Variants in ALPK2 observed in about 807,000 individuals in gnomAD.
The protein encoded by ALPK2 is alpha-protein kinase 2.
A neutral mutation model predicts 163.1 loss-of-function variants in ALPK2; 127 were observed. The ratio of observed to expected loss-of-function variants is 0.78; its 90% CI spans 0.67 to 0.90. The LOEUF is 0.90. Among genes scored for constraint, ALPK2 ranks in the 40% least tolerant of loss-of-function variants. The pLI is 0.00. For missense variants in ALPK2, 2,360 were observed against 2,589.6 expected, an observed-to-expected ratio of 0.91 and a Z score of 1.92; for synonymous variants, 953 against 959.1, an observed-to-expected ratio of 0.99 and a Z score of 0.12.
chr18:58,544,496 T>C lies in ALPK2; in HGVS notation c.1963-6272A>G, dbSNP rs568808364. The C allele has an allele frequency of 2.6e-5, 4 of 152,298 alleles. No homozygotes were observed. In the South Asian group the frequency reaches 8.3e-4, roughly 32 times the overall value. The allele number at this position is 152,298 out of a possible 1,614,324, so 9.4% of individuals were successfully genotyped here. On this transcript the variant is annotated intron_variant, in intron 4 of 12. Coordinates refer to ENST00000361673, the MANE Select transcript of ALPK2 (RefSeq NM_052947.4). ...ATGAGATAAGATCCCTCTCCTCAAA[T>C]AGCTTATAATCCAGTTGAAGAGACA...
chr18:58,582,849 T>C (rs1321704058), intron 3 of ALPK2, among the ~76,000 whole-genome samples: 1 of 152,128 alleles, frequency 6.6e-6, no homozygotes, highest in African/African-American at 2.4e-5. Flanking sequence ...TTCTGATTGG[T>C]AATTGGTCAG....
chr18:58,591,486 T>C (rs1416013794), intron 3 of ALPK2, among the ~76,000 whole-genome samples: 1 of 152,186 alleles, frequency 6.6e-6, no homozygotes, highest in Non-Finnish European at 1.5e-5. Context: ...GGACAGTGTG[T>C]GCCAGGCACC....
intron 10 of ALPK2, chr18:58,512,127 G>C (rs1024851890): frequency 9.9e-5 from 15 of 152,186 alleles, no homozygotes; most frequent in African/African-American, 2.9e-4. Context: ...CAGGATCCAG[G>C]GCACCCTGAT....
At chr18:58,564,836 TA>T (rs1438700056) in intron 4 of ALPK2, among the ~76,000 whole-genome samples, 7 of 152,210 alleles carry the variant, frequency 4.6e-5, no homozygotes, top group Non-Finnish European at 8.8e-5. Context: ...CTTCCTTTTT[TA>T]AAAAAAATTT....
intron 4 of ALPK2, among the ~76,000 whole-genome samples, chr18:58,553,613 C>T (rs983391804): frequency 6.6e-6 from 1 of 152,146 alleles, no homozygotes; most frequent in South Asian, 2.1e-4. Flanking sequence ...TTCTCCCAAG[C>T]TGTTCTCATG....
Position 58,536,034 on chromosome 18 carries a change from G to A in ALPK2, c.4153C>T (p.His1385Tyr), listed in dbSNP as rs1387713738. 8.1e-6 allele frequency: 13 copies of A among 1,614,176 alleles called. No homozygotes were observed. The highest frequency in any genetic ancestry group is 1.3e-5 in the African/African-American group (1 of 75,046). Residue 1385 changes from histidine to tyrosine, a missense_variant, in exon 5 of 13, where the codon CAC becomes TAC. By Grantham distance (83) the His-to-Tyr change is moderately conservative. Transcript: ENST00000361673. ...DQEEKQLKMD[H>Y]TAFFKKFLTC... is the part of the protein sequence containing the mutation. ...AGAAACTTTTTAAAGAAGGCAGTGTGATCCATCTTGAGTTGTTTTTCCTCC... is the reference window on the plus strand; with the variant it reads ...AGAAACTTTTTAAAGAAGGCAGTGTAATCCATCTTGAGTTGTTTTTCCTCC...
At chr18:58,564,726 C>T (rs6566980) in intron 4 of ALPK2, among the ~76,000 whole-genome samples, 57,036 of 151,812 alleles carry the variant, frequency 0.38, 10,841 homozygotes, top group Admixed American at 0.42. Context: ...CTTCAGTTTA[C>T]ACTGAGGAAA....
Position 58,535,857 on chromosome 18 carries a change from C to T in ALPK2, c.4330G>A (p.Glu1444Lys), listed in dbSNP as rs370248466. The T allele has an allele frequency of 2.2e-5, 35 of 1,614,100 alleles. No individual in the cohort carries two copies. The highest frequency in any genetic ancestry group is 1.3e-4 in the South Asian group (12 of 91,090). Residue 1444 changes from glutamate to lysine, a missense_variant, in exon 5 of 13, where the codon GAA becomes AAA. Glu to Lys is a moderately conservative substitution (Grantham distance 56, BLOSUM62 1). Transcript: ENST00000361673. Reference protein sequence around the residue: ...GQSNDGNMGHEAEIQPAILQV... With the variant: ...GQSNDGNMGHKAEIQPAILQV... ...AAAATGGCCGGCTGGATTTCCGCTT[C>T]GTGGCCCATGTTTCCGTCATTTGAT...
intron 4 of ALPK2, chr18:58,544,799 T>C (rs1208781749): frequency 6.6e-6 from 1 of 152,232 alleles, no homozygotes; most frequent in Non-Finnish European, 1.5e-5. Context: ...ATGTGGTAGA[T>C]ACTGTTGGCT....
At chr18:58,612,567 C>T (rs923291489) in intron 1 of ALPK2, among the ~76,000 whole-genome samples, 2 of 152,220 alleles carry the variant, frequency 1.3e-5, no homozygotes, top group African/African-American at 2.4e-5. Context: ...ACAACTTGCT[C>T]AAGATCACAC....
chr18:58,568,472 A>C (rs1216018871), intron 4 of ALPK2, among the ~76,000 whole-genome samples: 1 of 152,158 alleles, frequency 6.6e-6, no homozygotes, highest in Admixed American at 6.5e-5. Context: ...TCTCAACCAC[A>C]GCTGTGCCTC....
At chr18:58,520,182 C>CTCTGGGAG (rs1293956954) in intron 8 of ALPK2, among the ~76,000 whole-genome samples, 1 of 152,014 alleles carries the variant, frequency 6.6e-6, no homozygotes, top group African/African-American at 2.4e-5. Context: ...AATCCCAGAT[C>CTCTGGGAG]TCTGGGAGGC....
chr18:58,578,771 C>CACACACACACAT (rs1555673966), intron 4 of ALPK2, 43 bp downstream of exon 4: 13 of 1,562,010 alleles, frequency 8.3e-6, no homozygotes, highest in African/African-American at 6.8e-5. Context: ...CACACACACA[C>CACACACACACAT]GGTTCTTTTT....
At position 58,579,752 on chromosome 18, in the gene ALPK2, C is replaced by A. The variant is rs757750746; in HGVS notation, c.1024G>T (p.Ala342Ser). Residue 342 changes from alanine to serine, a missense_variant, in exon 4 of 13, where the codon GCA becomes TCA. By Grantham distance (99) the Ala-to-Ser change is moderately conservative. Transcript: ENST00000361673. Reference sequence around the variant, plus strand: ...CCCAGCAGGTTCCTTTGCCAAACTGCATTAGAGTAATCCGTCATAACATCA... The same window carrying A: ...CCCAGCAGGTTCCTTTGCCAAACTGAATTAGAGTAATCCGTCATAACATCA... ...CSDVMTDYSN[A>S]VWQRNLLGTE... is the part of the protein sequence containing the mutation. 1.2e-6 allele frequency: 2 copies of A among 1,614,210 alleles called. No homozygotes were observed. The highest frequency in any genetic ancestry group is 2.2e-5 in the South Asian group (2 of 91,088).
At chr18:58,504,950 G>A (rs911143836) in intron 10 of ALPK2, among the ~76,000 whole-genome samples, 8 of 152,268 alleles carry the variant, frequency 5.3e-5, no homozygotes, top group Admixed American at 1.3e-4. Flanking sequence ...GGCGTGCAGC[G>A]GGAGTGCAGG....
intron 2 of ALPK2, among the ~76,000 whole-genome samples, chr18:58,609,093 T>TCTCC (rs367912072): frequency 0.019 from 2,862 of 151,028 alleles, 28 homozygotes; most frequent in East Asian, 0.053. Context: ...AAATGCTAAG[T>TCTCC]CTCCCTCCCT....
chr18:58,573,613 CTTTTTTTTTTTTT>C (rs778622176), intron 4 of ALPK2, among the ~76,000 whole-genome samples: 2 of 51,730 alleles, frequency 3.9e-5, no homozygotes, highest in Non-Finnish European at 3.2e-5. Context: ...TTTTTGTCTT[CTTTTTTTTTTTTT>C]TTTTTTTTTT....
intron 8 of ALPK2, among the ~76,000 whole-genome samples, chr18:58,520,019 A>G (rs2051541432): frequency 6.6e-6 from 1 of 152,188 alleles, no homozygotes; most frequent in Admixed American, 6.5e-5. Context: ...TAGCACTGCA[A>G]GTCTCAGGTT....
intron 12 of ALPK2, among the ~76,000 whole-genome samples, chr18:58,489,595 G>T (rs1203388895): frequency 6.6e-6 from 1 of 152,102 alleles, no homozygotes; most frequent in East Asian, 1.9e-4. Context: ...GCTGAGGCAG[G>T]AGGATTACAT....
Sources: allele counts gnomAD v4.1 joint callset (sites outside exome capture counted in the v4.1 genomes callset), GRCh38; gene constraint gnomAD v4.1.1; transcripts MANE v1.5; gene names NCBI Gene and HGNC (gene_info 2026-07-23, HGNC 2026-07-21).